MAPK8: variants seen among roughly 807,000 people sequenced by gnomAD.
MAPK8 encodes JUN N-terminal kinase.
A neutral mutation model predicts 52.9 loss-of-function variants in MAPK8; 13 were observed. The observed-to-expected ratio is 0.25, with a 90% CI of 0.16 to 0.39. MAPK8 has a LOEUF of 0.39. Among genes scored for constraint, MAPK8 ranks in the 10% least tolerant of loss-of-function variants. MAPK8 has a pLI of 1.00. For missense variants in MAPK8, 300 were observed against 519.2 expected, an observed-to-expected ratio of 0.58 and a Z score of 4.10; for synonymous variants, 191 against 169.8, an observed-to-expected ratio of 1.12 and a Z score of -0.97.
At chr10:48,337,075 AAACT>A (rs1007129235) in intron 1 of MAPK8, among the ~76,000 whole-genome samples, 152 of 152,322 alleles carry the variant, frequency 1.0e-3, no homozygotes, top group Non-Finnish European at 2.2e-4. Flanking sequence ...TCACCGCAGA[AAACT>A]AACAAATTCT....
At chr10:48,318,337 A>C (rs746794915) in intron 1 of MAPK8, among the ~76,000 whole-genome samples, 1 of 152,212 alleles carries the variant, frequency 6.6e-6, no homozygotes, top group Non-Finnish European at 1.5e-5. Context: ...CTTCACAGCA[A>C]CTACATTAGT....
intron 1 of MAPK8, among the ~76,000 whole-genome samples, chr10:48,394,745 G>T (rs542955136): frequency 6.1e-4 from 92 of 151,648 alleles, no homozygotes; most frequent in Non-Finnish European, 9.7e-4. Context: ...GCAAGAAAAA[G>T]AATTCAAAGG....
At chr10:48,427,234 T>A (rs3730161) in intron 10 of MAPK8, 91 bp downstream of exon 10, 1 of 858,024 alleles carries the variant, frequency 1.2e-6, no homozygotes, top group Middle Eastern at 2.3e-4. Context: ...AATTTGTGAC[T>A]TTAATATGCA....
At chr10:48,324,362 A>T (rs1177592446) in intron 1 of MAPK8, among the ~76,000 whole-genome samples, 1 of 152,178 alleles carries the variant, frequency 6.6e-6, no homozygotes, top group Non-Finnish European at 1.5e-5. Context: ...GGAGAGTCCT[A>T]TTCTTCCATC....
At chr10:48,425,341 T>C in intron 7 of MAPK8, 1 of 487,806 alleles carries the variant, frequency 2.0e-6, no homozygotes, top group Non-Finnish European at 3.7e-6. Context: ...GTCAGAGCTT[T>C]AGAAAATTTT....
intron 1 of MAPK8, among the ~76,000 whole-genome samples, chr10:48,372,446 T>C (rs1316284848): frequency 1.5e-4 from 23 of 152,058 alleles, no homozygotes; most frequent in Non-Finnish European, 8.8e-5. Context: ...GAGCATATTC[T>C]AACCCAATGT....
Position 48,435,057 on chromosome 10 carries a change from G to GGGT in MAPK8, c.*28_*29insGGT. Reference sequence around the variant, plus strand: ...ACTTGGGCCATCGGGGGGTGGGAGGGATGGGGAGTCGGTTAGTCATTGATA... The same window carrying GGGT: ...ACTTGGGCCATCGGGGGGTGGGAGGGGGTATGGGGAGTCGGTTAGTCATTGATA... On this transcript the variant is annotated 3_prime_UTR_variant, in exon 12 of 12. Coordinates refer to ENST00000374189, the MANE Select transcript of MAPK8 (RefSeq NM_001323329.2). 1 of 421,632 alleles carries GGGT rather than the reference G, an allele frequency of 2.4e-6. No individual in the cohort carries two copies. The highest frequency in any genetic ancestry group is 2.2e-5 in the African/African-American group (1 of 45,642). 26.1% of individuals were successfully genotyped at this position (421,632 alleles called of 1,614,324 possible).
chr10:48,412,466 T>G (rs1404503468), intron 5 of MAPK8, among the ~76,000 whole-genome samples: 2 of 152,228 alleles, frequency 1.3e-5, no homozygotes, highest in African/African-American at 4.8e-5. Context: ...TTTCAGTCAT[T>G]ATTTTCTTAA....
intron 1 of MAPK8, among the ~76,000 whole-genome samples, chr10:48,347,251 T>C (rs1430128246): frequency 6.6e-6 from 1 of 152,046 alleles, no homozygotes; most frequent in Non-Finnish European, 1.5e-5. Flanking sequence ...TAAAAGTAGA[T>C]CCAGTCACCT....
At chr10:48,373,988 A>AT (rs1334502422) in intron 1 of MAPK8, among the ~76,000 whole-genome samples, 1 of 152,194 alleles carries the variant, frequency 6.6e-6, no homozygotes, top group Non-Finnish European at 1.5e-5. Context: ...AATTGACCAC[A>AT]TAAGTGGAGG....
At chr10:48,353,997 G>A (rs571464710) in intron 1 of MAPK8, among the ~76,000 whole-genome samples, 25 of 152,200 alleles carry the variant, frequency 1.6e-4, no homozygotes, top group South Asian at 8.3e-4. Flanking sequence ...GTGATAAAGC[G>A]ATACATAGCT....
At chr10:48,412,832 CAGTTCTGTGGCATTAA>C (rs2042832626) in intron 5 of MAPK8, among the ~76,000 whole-genome samples, 1 of 152,190 alleles carries the variant, frequency 6.6e-6, no homozygotes, top group African/African-American at 2.4e-5. Context: ...ATTAAATCTA[CAGTTCTGTGGCATTAA>C]ATACATTCAT....
At chr10:48,327,268 T>C (rs74130243) in intron 1 of MAPK8, among the ~76,000 whole-genome samples, 93 of 152,326 alleles carry the variant, frequency 6.1e-4, no homozygotes, top group African/African-American at 2.2e-3. Context: ...TCTCCATTCT[T>C]GGTTTTCTGA....
chr10:48,354,513 A>G (rs182607791), intron 1 of MAPK8, among the ~76,000 whole-genome samples: 9 of 152,344 alleles, frequency 5.9e-5, no homozygotes, highest in Admixed American at 3.3e-4. Flanking sequence ...TTTAATGTGC[A>G]TCAGAATCAC....
chr10:48,420,447 A>T (rs1002982231), intron 6 of MAPK8, 127 bp downstream of exon 6: 2 of 927,870 alleles, frequency 2.2e-6, no homozygotes, highest in Non-Finnish European at 3.0e-6. Context: ...TGAAATGTGT[A>T]TCAAAAGTTT....
In MAPK8 at chr10:48,437,228, CTT is replaced by C. The variant is rs2044923946; in HGVS notation, c.*2201_*2202del. On this transcript the variant is annotated 3_prime_UTR_variant, in exon 12 of 12. Coordinates refer to ENST00000374189, the MANE Select transcript of MAPK8 (RefSeq NM_001323329.2). The stretch of plus-strand genomic sequence containing the variant: ...AAATTATATCCTAAAAACAAGGTCT[CTT>C]TGTTAAATGTTGCATGCCCTAGGTT... 1 of 152,170 alleles carries C rather than the reference CTT, an allele frequency of 6.6e-6. No homozygotes were observed. 9.4% of individuals were successfully genotyped at this position (152,170 alleles called of 1,614,324 possible).
intron 5 of MAPK8, 111 bp downstream of exon 5, chr10:48,410,279 CAA>C: frequency 1.3e-6 from 1 of 776,680 alleles, no homozygotes; most frequent in Non-Finnish European, 1.9e-6. Flanking sequence ...CAGTGCTGTA[CAA>C]CTACCACCCA....
intron 1 of MAPK8, among the ~76,000 whole-genome samples, chr10:48,360,112 A>T (rs1216673991): frequency 6.6e-6 from 1 of 152,170 alleles, no homozygotes; most frequent in African/African-American, 2.4e-5. Context: ...GGTTGCAGTG[A>T]GCCGAGATCG....
intron 1 of MAPK8, among the ~76,000 whole-genome samples, chr10:48,361,943 A>G (rs1453487433): frequency 1.3e-5 from 2 of 152,214 alleles, no homozygotes; most frequent in Non-Finnish European, 2.9e-5. Flanking sequence ...CTGTATAGCC[A>G]GTTGACTAGC....
Sources: allele counts gnomAD v4.1 joint callset (sites outside exome capture counted in the v4.1 genomes callset), GRCh38; gene constraint gnomAD v4.1.1; transcripts MANE v1.5; gene names NCBI Gene and HGNC (gene_info 2026-07-23, HGNC 2026-07-21).